Variants in CHST15 observed in about 807,000 individuals in gnomAD.
The protein encoded by CHST15 is B cell RAG associated protein (GALNAC4S-6ST).
Under a neutral mutation model 53.6 loss-of-function variants are expected in CHST15, and 30 were observed. The ratio of observed to expected loss-of-function variants is 0.56; its 90% CI spans 0.42 to 0.76. The LOEUF (loss-of-function observed/expected upper bound fraction) is 0.76. CHST15 is among the 30% of genes least tolerant of loss of function. The pLI, the probability that CHST15 is intolerant of heterozygous loss-of-function variation, is 0.00. For synonymous variants in CHST15, 296 were observed against 289.8 expected, an observed-to-expected ratio of 1.02 and a Z score of -0.22; for missense variants, 627 against 740.5, an observed-to-expected ratio of 0.85 and a Z score of 1.78.
In CHST15 at chr10:124,010,174, T is replaced by G. The variant is rs764261201; in HGVS notation, c.1661A>C (p.Glu554Ala). The G allele has an allele frequency of 1.9e-6, 3 of 1,613,248 alleles. No homozygotes were observed. In the Admixed American group the frequency reaches 5.0e-5, roughly 27 times the overall value. The change falls in exon 8 of 8, where the codon GAG becomes GCG. Residue 554 changes from glutamate (E) to alanine (A), a missense_variant. By Grantham distance (107) the Glu-to-Ala change is moderately radical. This residue lies in a region of CHST15 where 279 missense variants were observed against 371.6 expected (regional missense o/e 0.75). Coordinates refer to ENST00000435907, the MANE Select transcript of CHST15 (RefSeq NM_001270764.2). ...TCACGTCGTCTTCCACGCAAACGCC[T>G]CATCCGCGAGGACCTGCGCCAGCCT... Reference protein sequence around the residue: ...NARLAQVLADEAFAWKTT With the variant: ...NARLAQVLADAAFAWKTT
chr10:124,008,026 T>C lies in CHST15; in HGVS notation c.*2123A>G, dbSNP rs941051943. 5 of 1,231,872 alleles carry C rather than the reference T, an allele frequency of 4.1e-6. No homozygotes were observed. Among genetic ancestry groups the C allele is most frequent in the East Asian group, 6.3e-5 (2 of 31,712 alleles). 76.3% of individuals were successfully genotyped at this position (1,231,872 alleles called of 1,614,324 possible). On this transcript the variant is annotated 3_prime_UTR_variant, in exon 8 of 8. Coordinates refer to ENST00000435907, the MANE Select transcript of CHST15 (RefSeq NM_001270764.2). Reference sequence around the variant, plus strand: ...AGGGAAAAACCATGTCTGGATGGCATTGAGTGGCACAGAAGGGATGGGACT... The same window carrying C: ...AGGGAAAAACCATGTCTGGATGGCACTGAGTGGCACAGAAGGGATGGGACT...
chr10:124,030,797 C>A (rs556967656), intron 5 of CHST15, among the ~76,000 whole-genome samples: 2 of 152,336 alleles, frequency 1.3e-5, no homozygotes, highest in South Asian at 4.1e-4. Context: ...AGAGGGGCTT[C>A]CGGTGCTGCC....
chr10:124,064,686 G>A (rs1948700695), intron 1 of CHST15, among the ~76,000 whole-genome samples: 1 of 151,010 alleles, frequency 6.6e-6, no homozygotes, highest in African/African-American at 2.4e-5. Flanking sequence ...CCTGCTGGCG[G>A]CCTTTATCTC....
At chr10:124,060,870 C>A (rs1948550238) in intron 1 of CHST15, among the ~76,000 whole-genome samples, 1 of 152,152 alleles carries the variant, frequency 6.6e-6, no homozygotes, top group Admixed American at 6.5e-5. Flanking sequence ...CTGTCTTTCA[C>A]CTTTGAGTAC....
chr10:124,084,073 A>G (rs1949338552), intron 1 of CHST15, among the ~76,000 whole-genome samples: 1 of 152,228 alleles, frequency 6.6e-6, no homozygotes, highest in African/African-American at 2.4e-5. Context: ...GCACCTTTGC[A>G]AGGCAGAGCT....
At chr10:124,011,393 G>A (rs1158363287) in intron 7 of CHST15, 1 of 984,798 alleles carries the variant, frequency 1.0e-6, no homozygotes, top group Admixed American at 6.1e-5. Flanking sequence ...TCTAAGCCTT[G>A]GAAGGGAAAG....
chr10:124,009,049 C>T lies in CHST15; in HGVS notation c.*1100G>A. On this transcript the variant is annotated 3_prime_UTR_variant, in exon 8 of 8. Transcript: ENST00000435907. ...AATTGGGACACGAGTATCTATAGTC[C>T]CTTGCTGGGTGAGGAACTTTGACCA... 2 of 1,287,980 alleles carry T rather than the reference C, an allele frequency of 1.6e-6. No individual in the cohort carries two copies. The highest frequency in any genetic ancestry group is 2.0e-6 in the Non-Finnish European group (2 of 987,702). The allele number at this position is 1,287,980 out of a possible 1,614,324, so 79.8% of individuals were successfully genotyped here.
intron 5 of CHST15, among the ~76,000 whole-genome samples, chr10:124,034,958 C>A (rs1947397509): frequency 7.9e-6 from 1 of 126,060 alleles, no homozygotes; most frequent in South Asian, 2.9e-4. Flanking sequence ...CTAACAGGGA[C>A]CCTGGCTCTA....
In CHST15 at chr10:124,086,000, G is replaced by C. The variant is rs564664132; in HGVS notation, c.-513+7469C>G. Among the ~76,000 whole-genome samples, 8 of 152,278 alleles carry C rather than the reference G, an allele frequency of 5.3e-5. No individual in the cohort carries two copies. The South Asian group carries it at 6.2e-4, about 12-fold the overall frequency. On this transcript the variant is annotated intron_variant, in intron 1 of 7. Transcript: ENST00000435907. ...GGTCTGGTAAAAGCACAGGCCCTGT[G>C]GGGGGCTGGGACCAAGAGAGAGGAG...
intron 6 of CHST15, among the ~76,000 whole-genome samples, chr10:124,013,798 T>C (rs4312004): frequency 0.26 from 40,252 of 151,998 alleles, 5,422 homozygotes; most frequent in East Asian, 0.36. Flanking sequence ...CTTCTCCAAG[T>C]GCCCAGGGAC....
rs1003948696 is a variant in CHST15 at position 124,019,149 on chromosome 10, C to A, written c.1347+2107G>T. ...GAAATGGGCCTGGCCTGAGTCACAG[C>A]TGCAACTTGATTCGTGTCTGTCAGC... On this transcript the variant is annotated intron_variant, in intron 6 of 7. Transcript: ENST00000435907. This position sits in a 1 kb window ranked among gnomAD's most constrained non-coding sequence, Gnocchi z 4.6. 6.6e-6 allele frequency among the ~76,000 whole-genome samples: 1 copy of A among 152,146 alleles called. No homozygotes were observed. Among genetic ancestry groups the A allele is most frequent in the African/African-American group, 2.4e-5 (1 of 41,434 alleles).
chr10:124,026,711 G>A (rs770094459), intron 5 of CHST15, among the ~76,000 whole-genome samples: 9 of 152,322 alleles, frequency 5.9e-5, no homozygotes, highest in Non-Finnish European at 1.0e-4. Flanking sequence ...GCGACAGGCA[G>A]CTCACGGCCT....
At chr10:124,034,701 C>T (rs1186475037) in intron 5 of CHST15, among the ~76,000 whole-genome samples, 3 of 147,492 alleles carry the variant, frequency 2.0e-5, no homozygotes, top group East Asian at 4.1e-4. Context: ...GGCTCCACCC[C>T]CTAACAGGGA....
intron 1 of CHST15, among the ~76,000 whole-genome samples, chr10:124,050,943 A>G (rs111577954): frequency 0.066 from 9,957 of 151,974 alleles, 1,079 homozygotes; most frequent in African/African-American, 0.23. Context: ...GGCATACTAC[A>G]TATTCTTTTT....
chr10:124,078,911 T>C (rs1032300395), intron 1 of CHST15, among the ~76,000 whole-genome samples: 3 of 152,216 alleles, frequency 2.0e-5, no homozygotes, highest in Non-Finnish European at 4.4e-5. Flanking sequence ...GGGAGTCTAC[T>C]ATTTTTGCAT....
At chr10:124,059,873 T>A (rs1044774808) in intron 1 of CHST15, among the ~76,000 whole-genome samples, 1 of 152,194 alleles carries the variant, frequency 6.6e-6, no homozygotes. Context: ...TGGAATTTAT[T>A]TCTTTCTGAT....
In CHST15 at chr10:124,044,475, T is replaced by G. The variant is rs555702808; in HGVS notation, c.886+105A>C. 513 of 935,464 alleles carry G rather than the reference T, an allele frequency of 5.5e-4. 2 individuals are homozygous for G. The African/African-American group carries it at 7.7e-3, about 14-fold the overall frequency. The allele number at this position is 935,464 out of a possible 1,614,324, so 57.9% of individuals were successfully genotyped here. On this transcript the variant is annotated intron_variant, in intron 3 of 7. Coordinates refer to ENST00000435907, the MANE Select transcript of CHST15 (RefSeq NM_001270764.2). ...GCCTCCTAACAAGGGAATTGTGCCA[T>G]CTCTTTCTGCCGCCCTCGCCCCCCA...
At chr10:124,051,550 A>G (rs1426760793) in intron 1 of CHST15, among the ~76,000 whole-genome samples, 1 of 152,190 alleles carries the variant, frequency 6.6e-6, no homozygotes, top group Non-Finnish European at 1.5e-5. Flanking sequence ...GACTCAGACA[A>G]GACGGGGCCC....
intron 6 of CHST15, among the ~76,000 whole-genome samples, chr10:124,012,783 C>G (rs1302576295): frequency 3.9e-5 from 6 of 152,300 alleles, no homozygotes; most frequent in Non-Finnish European, 7.3e-5. Flanking sequence ...TTGTGGCCAC[C>G]AATGGTGTAC....
Sources: allele counts gnomAD v4.1 joint callset (sites outside exome capture counted in the v4.1 genomes callset), GRCh38; gene constraint gnomAD v4.1.1; regional missense constraint gnomAD v4.1.1; non-coding constraint Gnocchi (gnomAD v3.1); transcripts MANE v1.5; gene names NCBI Gene and HGNC (gene_info 2026-07-23, HGNC 2026-07-21).